FRY: variants seen among roughly 807,000 people sequenced by gnomAD.
The protein encoded by FRY is FRY microtubule binding protein.
Under a neutral mutation model 348.4 loss-of-function variants are expected in FRY, and 128 were observed. That is an observed-to-expected ratio of 0.37 (90% CI 0.32 to 0.43). The LOEUF (loss-of-function observed/expected upper bound fraction) is 0.43, where lower values mean the gene tolerates loss of function less well. FRY is among the 20% of genes least tolerant of loss of function. The pLI, the probability that FRY is intolerant of heterozygous loss-of-function variation, is 1.00. For synonymous variants in FRY, 1,370 were observed against 1,374.7 expected (o/e 1.00, Z 0.08); for missense variants, 2,736 against 3,695.2 (o/e 0.74, Z 6.73).
rs74044973 is a variant in FRY at position 32,282,470 on chromosome 13, T to C, written c.8469+3922T>C. Among the ~76,000 whole-genome samples the C allele has an allele frequency of 6.3e-3, 966 of 152,312 alleles. 15 individuals are homozygous for C. The highest frequency in any genetic ancestry group is 0.022 in the African/African-American group (918 of 41,550). On this transcript the variant is annotated intron_variant, in intron 58 of 60. Coordinates refer to ENST00000542859, the MANE Select transcript of FRY (RefSeq NM_023037.3). The stretch of plus-strand genomic sequence containing the variant: ...GGATTAGTGCTTACCCGACTAAACC[T>C]AGCAAAGTAAATTCTTGAATAAAGA...
intron 23 of FRY, among the ~76,000 whole-genome samples, chr13:32,180,482 G>A (rs535207769): frequency 2.6e-5 from 4 of 152,140 alleles, no homozygotes; most frequent in Admixed American, 1.3e-4. Context: ...TGATCCACCC[G>A]CCTCAGCCCC....
At chr13:32,154,346 A>T (rs9567296) in intron 14 of FRY, among the ~76,000 whole-genome samples, 46,831 of 152,126 alleles carry the variant, frequency 0.31, 7,465 homozygotes, top group East Asian at 0.55. Context: ...ATTGCTTATA[A>T]ATGAGCCAGA....
intron 2 of FRY, among the ~76,000 whole-genome samples, chr13:32,099,154 T>C (rs78516846): frequency 1.3e-5 from 2 of 152,072 alleles, no homozygotes; most frequent in East Asian, 3.9e-4. Flanking sequence ...GGAACCTGCA[T>C]TGGCCAAAGT....
intron 58 of FRY, among the ~76,000 whole-genome samples, chr13:32,286,995 T>TAA (rs965923723): frequency 5.0e-5 from 7 of 139,232 alleles, no homozygotes; most frequent in Non-Finnish European, 9.4e-5. Context: ...CCATCTCTAC[T>TAA]AAAAAAAAAA....
At chr13:32,269,845 G>T (rs545908527) in intron 55 of FRY, among the ~76,000 whole-genome samples, 25 of 152,278 alleles carry the variant, frequency 1.6e-4, no homozygotes, top group African/African-American at 6.0e-4. Flanking sequence ...GAGCCTGGAG[G>T]CCCTTCTTAT....
intron 1 of FRY, among the ~76,000 whole-genome samples, chr13:32,069,350 G>T (rs1004492877): frequency 6.6e-6 from 1 of 152,116 alleles, no homozygotes; most frequent in Non-Finnish European, 1.5e-5. Flanking sequence ...TAGTCTTTCC[G>T]GAAAGTATAC....
At chr13:32,205,297 A>G (rs779823436) in intron 31 of FRY, among the ~76,000 whole-genome samples, 1 of 151,840 alleles carries the variant, frequency 6.6e-6, no homozygotes, top group Non-Finnish European at 1.5e-5. Context: ...TCAATGTATT[A>G]GACAGTAGCT....
intron 55 of FRY, among the ~76,000 whole-genome samples, chr13:32,268,536 A>ATCTC (rs1282907874): frequency 7.4e-6 from 1 of 134,604 alleles, no homozygotes; most frequent in Admixed American, 7.8e-5. Context: ...ATATATATAT[A>ATCTC]TATCTAGATT....
At chr13:32,276,375 A>C in intron 56 of FRY, 89 bp from the exon 57 acceptor site, 1 of 789,382 alleles carries the variant, frequency 1.3e-6, no homozygotes, top group South Asian at 1.4e-5. Context: ...CCTTAACAGC[A>C]CTTCTAAATA....
chr13:32,149,663 G>T, intron 13 of FRY, 85 bp from the exon 14 acceptor site: 1 of 795,122 alleles, frequency 1.3e-6, no homozygotes, highest in East Asian at 2.6e-5. Flanking sequence ...CCACCTGTTC[G>T]CTTGGTGCAT....
At chr13:32,057,162 CTTTT>C in intron 1 of FRY, among the ~76,000 whole-genome samples, 1 of 151,486 alleles carries the variant, frequency 6.6e-6, no homozygotes, top group Non-Finnish European at 1.5e-5. Flanking sequence ...TTTATTTTTA[CTTTT>C]TTTTATTTTT....
chr13:32,177,845 A>G lies in FRY; in HGVS notation c.2422-332A>G, dbSNP rs79315130. Among the ~76,000 whole-genome samples, 1,315 of 152,322 alleles carry G rather than the reference A, an allele frequency of 8.6e-3. 21 individuals carry two copies. The highest frequency in any genetic ancestry group is 0.03 in the African/African-American group (1,266 of 41,558). On this transcript the variant is annotated intron_variant, in intron 20 of 60. Transcript: ENST00000542859. ...TTTTAAAATACTGAATCCATGTTTCAGTTTAAATTTACTGTCATATATTCA... is the reference window on the plus strand; with the variant it reads ...TTTTAAAATACTGAATCCATGTTTCGGTTTAAATTTACTGTCATATATTCA...
Position 32,261,680 on chromosome 13 carries a change from G to A in FRY, c.7481G>A (p.Cys2494Tyr), listed in dbSNP as rs1308257326. ...RRRSLDSLDKCDMQILEERQL... is the reference protein window; with the variant it reads ...RRRSLDSLDKYDMQILEERQL... ...CGTTCTCTGGACAGCCTGGATAAGTGTGATATGCAGATTCTGGAGGAGCGC... is the reference window on the plus strand; with the variant it reads ...CGTTCTCTGGACAGCCTGGATAAGTATGATATGCAGATTCTGGAGGAGCGC... Residue 2494 changes from cysteine (C) to tyrosine (Y), a missense_variant, in exon 52 of 61, where the codon TGT (cysteine) becomes TAT (tyrosine). Physicochemically the swap from Cys to Tyr is radical, Grantham distance 194. This residue lies in a region of FRY where 789 missense variants were observed against 996.2 expected (regional missense o/e 0.79). Coordinates refer to ENST00000542859, the MANE Select transcript of FRY (RefSeq NM_023037.3). The A allele has an allele frequency of 2.5e-6, 4 of 1,614,038 alleles. No individual in the cohort carries two copies. The highest frequency in any genetic ancestry group is 4.5e-5 in the East Asian group (2 of 44,890).
intron 3 of FRY, among the ~76,000 whole-genome samples, chr13:32,103,974 G>A (rs1048832310): frequency 6.6e-6 from 1 of 151,628 alleles, no homozygotes; most frequent in East Asian, 1.9e-4. Context: ...AAAAAAAAAT[G>A]TACATACTTA....
At chr13:32,095,233 AT>A (rs1876609318) in intron 2 of FRY, among the ~76,000 whole-genome samples, 2 of 141,258 alleles carry the variant, frequency 1.4e-5, no homozygotes, top group East Asian at 4.4e-4. Context: ...CTCCGTGTAT[AT>A]TTTGGTTCTT....
At position 32,218,452 on chromosome 13, in the gene FRY, G is replaced by A. The variant is rs139207141; in HGVS notation, c.4683-297G>A. 7.1e-3 allele frequency among the ~76,000 whole-genome samples: 1,084 copies of A among 152,246 alleles called. 27 individuals carry two copies. Among genetic ancestry groups the A allele is most frequent in the East Asian group, 0.07 (361 of 5,174 alleles). ...TCTCAGCACTCTGGGAGGCCGAAGCGGGCGGATCACGAGGTCAGGAGATCG... is the reference window on the plus strand; with the variant it reads ...TCTCAGCACTCTGGGAGGCCGAAGCAGGCGGATCACGAGGTCAGGAGATCG... On this transcript the variant is annotated intron_variant, in intron 35 of 60. Transcript: ENST00000542859.
chr13:32,196,454 G>A (rs1201964254), intron 29 of FRY, among the ~76,000 whole-genome samples: 2 of 152,136 alleles, frequency 1.3e-5, no homozygotes, highest in African/African-American at 4.8e-5. Context: ...TTAGAAAAGA[G>A]GATTTGCCAT....
chr13:32,232,063 G>A (rs752605705), intron 41 of FRY, among the ~76,000 whole-genome samples: 12 of 152,204 alleles, frequency 7.9e-5, no homozygotes, highest in Admixed American at 1.3e-4. Context: ...CTGACAGACC[G>A]AAATGGGAGA....
chr13:32,095,337 CTTTTTTTTTTTTT>C (rs61006034), intron 2 of FRY, among the ~76,000 whole-genome samples: 1 of 58,292 alleles, frequency 1.7e-5, no homozygotes, highest in Non-Finnish European at 2.9e-5. Flanking sequence ...TGTATGGAAG[CTTTTTTTTTTTTT>C]TTTTTTTTTT....
Sources: allele counts gnomAD v4.1 joint callset (sites outside exome capture counted in the v4.1 genomes callset), GRCh38; gene constraint gnomAD v4.1.1; regional missense constraint gnomAD v4.1.1; transcripts MANE v1.5; gene names NCBI Gene and HGNC (gene_info 2026-07-23, HGNC 2026-07-21).